Variants in ZFP1 observed in about 807,000 individuals in gnomAD.
The protein encoded by ZFP1 is zinc finger protein 1 homolog.
In ZFP1, 32 loss-of-function variants were observed where a neutral mutation model predicts 38.5. That is an observed-to-expected ratio of 0.83 (90% CI 0.63 to 1.12). The LOEUF (loss-of-function observed/expected upper bound fraction) is 1.12. Among genes scored for constraint, ZFP1 ranks in the 50% most tolerant of loss-of-function variants. The pLI, the probability that ZFP1 is intolerant of heterozygous loss-of-function variation, is 0.00. For missense variants in ZFP1, 616 were observed against 480.8 expected (o/e 1.28, Z -2.63); for synonymous variants, 245 against 168.8 (o/e 1.45, Z -3.50).
chr16:75,139,381 A>AAC, the ZFP1 span, among the ~76,000 whole-genome samples: 1 of 143,316 alleles, frequency 7.0e-6, no homozygotes, highest in Admixed American at 6.8e-5. Flanking sequence ...AAAAAAAAAA[A>AAC]AAAAAAAAAA....
the ZFP1 span, among the ~76,000 whole-genome samples, chr16:75,139,492 G>C: frequency 6.6e-6 from 1 of 151,488 alleles, no homozygotes; most frequent in Non-Finnish European, 1.5e-5. Flanking sequence ...AGGAGTTTGA[G>C]ACCAGCCTGG....
chr16:75,135,624 G>A, the ZFP1 span, among the ~76,000 whole-genome samples: 1 of 152,162 alleles, frequency 6.6e-6, no homozygotes, highest in Non-Finnish European at 1.5e-5. Flanking sequence ...AATAAATTTA[G>A]TGATTGCCAG....
chr16:75,136,803 C>G, the ZFP1 span, among the ~76,000 whole-genome samples: 1 of 151,928 alleles, frequency 6.6e-6, no homozygotes, highest in Admixed American at 6.6e-5. Context: ...TCCAGGAGTT[C>G]AAGGCTGCAG....
chr16:75,163,909 C>T (rs1029057413), intron 2 of ZFP1, among the ~76,000 whole-genome samples: 3 of 152,210 alleles, frequency 2.0e-5, no homozygotes, highest in Admixed American at 2.0e-4. Context: ...AGCACCGGCA[C>T]TGTTTATGTC....
the ZFP1 span, among the ~76,000 whole-genome samples, chr16:75,135,064 A>C: frequency 6.6e-6 from 1 of 151,440 alleles, no homozygotes; most frequent in Non-Finnish European, 1.5e-5. Context: ...CAAAAAAAAA[A>C]CAAAAAAAAC....
the ZFP1 span, among the ~76,000 whole-genome samples, chr16:75,140,626 A>G: frequency 6.6e-6 from 1 of 152,206 alleles, no homozygotes; most frequent in South Asian, 2.1e-4. Flanking sequence ...AACTTACGCA[A>G]GCATTGCAGC....
intron 2 of ZFP1, among the ~76,000 whole-genome samples, chr16:75,160,843 G>T (rs1208600678): frequency 6.6e-6 from 1 of 151,904 alleles, no homozygotes; most frequent in Non-Finnish European, 1.5e-5. Flanking sequence ...AAAAGGAGAT[G>T]AACTCCTTTC....
the ZFP1 span, among the ~76,000 whole-genome samples, chr16:75,142,219 T>C: frequency 6.8e-6 from 1 of 146,994 alleles, no homozygotes; most frequent in Non-Finnish European, 1.5e-5. Flanking sequence ...AAAAAAAAAT[T>C]AGCTGGGCGT....
At chr16:75,125,630 G>T in the ZFP1 span, among the ~76,000 whole-genome samples, 2 of 152,102 alleles carry the variant, frequency 1.3e-5, no homozygotes, top group Non-Finnish European at 2.9e-5. Context: ...GCTGGAAGTT[G>T]TATTTTATGA....
intron 1 of ZFP1, among the ~76,000 whole-genome samples, chr16:75,149,982 A>G (rs541171113): frequency 7.2e-4 from 109 of 151,000 alleles, no homozygotes; most frequent in African/African-American, 2.5e-3. Flanking sequence ...ACGGGGTTTC[A>G]CCATGTTGGC....
At chr16:75,133,855 C>G in the ZFP1 span, among the ~76,000 whole-genome samples, 3 of 152,042 alleles carry the variant, frequency 2.0e-5, no homozygotes, top group Non-Finnish European at 2.9e-5. Flanking sequence ...TCGAGAGCAG[C>G]CTGGCCAACA....
At chr16:75,150,841 T>C (rs1472438636) in intron 1 of ZFP1, among the ~76,000 whole-genome samples, 1 of 152,154 alleles carries the variant, frequency 6.6e-6, no homozygotes, top group Non-Finnish European at 1.5e-5. Context: ...GATTGATTGA[T>C]TGAGACAGGG....
At chr16:75,162,753 A>G (rs1224997324) in intron 2 of ZFP1, among the ~76,000 whole-genome samples, 1 of 152,100 alleles carries the variant, frequency 6.6e-6, no homozygotes, top group Non-Finnish European at 1.5e-5. Flanking sequence ...ATAAGTGAGG[A>G]TATGCGCTAT....
the ZFP1 span, among the ~76,000 whole-genome samples, chr16:75,130,593 C>T: frequency 1.3e-5 from 2 of 152,098 alleles, no homozygotes; most frequent in African/African-American, 2.4e-5. Context: ...GCTGATCATC[C>T]GTTTCAGGTT....
upstream of ZFP1, chr16:75,144,062 C>T (rs1258242790): frequency 3.3e-5 from 5 of 152,072 alleles, no homozygotes; most frequent in Non-Finnish European, 5.9e-5. Context: ...CAGAAACACC[C>T]GCTACACTTT....
At chr16:75,153,768 A>G (rs1408083414) in intron 2 of ZFP1, among the ~76,000 whole-genome samples, 1 of 152,242 alleles carries the variant, frequency 6.6e-6, no homozygotes, top group African/African-American at 2.4e-5. Flanking sequence ...TGACCAATAT[A>G]TAATGACATG....
At chr16:75,123,684 C>A in the ZFP1 span, among the ~76,000 whole-genome samples, 1 of 150,986 alleles carries the variant, frequency 6.6e-6, no homozygotes, top group Non-Finnish European at 1.5e-5. Context: ...CACTATGTTG[C>A]CCAGGCTGGT....
At chr16:75,133,663 T>C in the ZFP1 span, among the ~76,000 whole-genome samples, 8 of 152,242 alleles carry the variant, frequency 5.3e-5, no homozygotes, top group Non-Finnish European at 1.2e-4. Flanking sequence ...GGACAGCACA[T>C]ATTCAGAGGC....
In ZFP1 at chr16:75,152,912, T is replaced by C; in HGVS notation, c.-40T>C. On this transcript the variant is annotated 5_prime_UTR_variant, in exon 2 of 4. Transcript: ENST00000570010. Reference sequence around the variant, plus strand: ...CTTCCTTTTTCCTCTATTCCAGTTCTGCCTTCATAGTTCTCTGCCTTTGCC... The same window carrying C: ...CTTCCTTTTTCCTCTATTCCAGTTCCGCCTTCATAGTTCTCTGCCTTTGCC... 1 of 1,613,052 alleles carries C rather than the reference T, an allele frequency of 6.2e-7. No homozygotes were observed. The highest frequency in any genetic ancestry group is 8.5e-7 in the Non-Finnish European group (1 of 1,179,618).
Sources: allele counts gnomAD v4.1 joint callset (sites outside exome capture counted in the v4.1 genomes callset), GRCh38; gene constraint gnomAD v4.1.1; transcripts MANE v1.5; gene names NCBI Gene and HGNC (gene_info 2026-07-23, HGNC 2026-07-21).